MGST3: variants seen among roughly 807,000 people sequenced by gnomAD.
MGST3 encodes the protein microsomal glutathione S-transferase 3.
In MGST3, 13 loss-of-function variants were observed where a neutral mutation model predicts 15.8. That is an observed-to-expected ratio of 0.82 (90% confidence interval 0.54 to 1.31). The LOEUF is 1.31. MGST3 is among the 50% of genes most tolerant of loss of function. The probability of loss-of-function intolerance (pLI) is 0.00; values close to 1 mark genes in which losing one functional copy is unlikely to be tolerated. For missense variants in MGST3, 155 were observed against 192.4 expected (o/e 0.81, Z 1.15); for synonymous variants, 49 against 68.1 (o/e 0.72, Z 1.38).
At chr1:165,631,716 G>A (rs1557988977) in intron 1 of MGST3, among the ~76,000 whole-genome samples, 1 of 152,160 alleles carries the variant, frequency 6.6e-6, no homozygotes, top group African/African-American at 2.4e-5. Context: ...GGGAGTGGTT[G>A]TGCAGGCCTG....
chr1:165,633,745 G>A (rs973660273), intron 1 of MGST3, among the ~76,000 whole-genome samples: 7 of 151,184 alleles, frequency 4.6e-5, no homozygotes, highest in African/African-American at 1.5e-4. Context: ...ACCAAGTGGT[G>A]TCAATGTGAC....
intron 1 of MGST3, among the ~76,000 whole-genome samples, chr1:165,640,393 G>A (rs937014766): frequency 4.6e-5 from 7 of 151,852 alleles, no homozygotes; most frequent in African/African-American, 1.5e-4. Context: ...AGCACCTCAG[G>A]AGCCTCCAAA....
chr1:165,632,181 AGGATGG>A lies in MGST3; in HGVS notation c.-8+890_-8+895del, dbSNP rs1647971435. The A allele has an allele frequency of 2.0e-5, 31 of 1,512,986 alleles. No individual in the cohort carries two copies. The East Asian group carries it at 6.8e-4, about 33-fold the overall frequency. 93.7% of individuals were successfully genotyped at this position (1,512,986 alleles called of 1,614,324 possible). A position where few individuals can be genotyped will look rare whatever the true frequency, so the allele number is the denominator to read the frequency against. ...ACGAGGTAAAGGAAAAGCAGATACTAGGATGGGTAGAAGGAGAGGCAGGGGTTAGAA... is the reference window on the plus strand; with the variant it reads ...ACGAGGTAAAGGAAAAGCAGATACTAGTAGAAGGAGAGGCAGGGGTTAGAA... On this transcript the variant is annotated intron_variant, in intron 1 of 5. Coordinates refer to ENST00000367889, the MANE Select transcript of MGST3 (RefSeq NM_004528.4).
chr1:165,649,431 TCTCA>T (rs1435473440), intron 1 of MGST3: 1 of 179,584 alleles, frequency 5.6e-6, no homozygotes, highest in African/African-American at 2.5e-5. Context: ...GTCCTGCTCC[TCTCA>T]CTCCCTCCCT....
chr1:165,635,103 G>A (rs963029441), intron 1 of MGST3, among the ~76,000 whole-genome samples: 7 of 146,380 alleles, frequency 4.8e-5, no homozygotes, highest in Non-Finnish European at 9.0e-5. Flanking sequence ...CCTCCACCCC[G>A]CCCTCTGAGG....
intron 1 of MGST3, among the ~76,000 whole-genome samples, chr1:165,640,802 T>A (rs536974738): frequency 1.3e-5 from 2 of 152,210 alleles, no homozygotes; most frequent in South Asian, 4.1e-4. Context: ...AGAGGTATAC[T>A]ATATTCAATG....
chr1:165,632,259 G>A (rs377067925), intron 1 of MGST3: 284 of 1,612,514 alleles, frequency 1.8e-4, no homozygotes, highest in Non-Finnish European at 2.3e-4. Context: ...AGGGGAAGGC[G>A]CTTCCGGCTC....
In MGST3 at chr1:165,640,998, C is replaced by T. The variant is rs559191017; in HGVS notation, c.-7-8843C>T. Among the ~76,000 whole-genome samples the T allele has an allele frequency of 1.5e-3, 226 of 152,162 alleles. 1 individual carries two copies. Among genetic ancestry groups the T allele is most frequent in the African/African-American group, 5.1e-3 (210 of 41,494 alleles). On this transcript the variant is annotated intron_variant, in intron 1 of 5. Transcript: ENST00000367889. ...AGGAGTTCGAGACCAGCCTGGCCTA[C>T]GTGGTGAAACCCCGTCTCTACTAAA...
intron 3 of MGST3, 193 bp downstream of exon 3, chr1:165,651,280 G>T (rs1648547386): frequency 4.8e-6 from 3 of 621,474 alleles, no homozygotes; most frequent in Admixed American, 2.5e-5. Context: ...TGGTTGGAAT[G>T]GTGGGATTTC....
intron 1 of MGST3, chr1:165,647,733 T>A (rs2101721543): frequency 6.6e-6 from 1 of 152,302 alleles, no homozygotes; most frequent in South Asian, 2.1e-4. Context: ...CACCTTTTTT[T>A]TTTTTTAAGG....
chr1:165,637,355 T>C (rs1648140222), intron 1 of MGST3, among the ~76,000 whole-genome samples: 1 of 152,202 alleles, frequency 6.6e-6, no homozygotes, highest in Admixed American at 6.5e-5. Context: ...AAGAATCTCA[T>C]TGTCATTTAG....
intron 1 of MGST3, among the ~76,000 whole-genome samples, chr1:165,638,241 G>A (rs1425393454): frequency 6.6e-6 from 1 of 152,212 alleles, no homozygotes; most frequent in East Asian, 1.9e-4. Flanking sequence ...CACTTTGGGA[G>A]GCTGAGAGAG....
chr1:165,644,574 C>A (rs9333441), intron 1 of MGST3, among the ~76,000 whole-genome samples: 14,249 of 152,138 alleles, frequency 0.094, 812 homozygotes, highest in African/African-American at 0.14. Flanking sequence ...GCAGACCTTA[C>A]GTACACTGTA....
intron 5 of MGST3, 105 bp downstream of exon 5, chr1:165,654,456 G>A (rs4147607): frequency 2.0e-5 from 20 of 1,021,098 alleles, no homozygotes; most frequent in Non-Finnish European, 2.2e-5. Context: ...TTTGGGAGGC[G>A]AAGGCAGGCA....
At chr1:165,631,703 CG>C (rs9333374) in intron 1 of MGST3, among the ~76,000 whole-genome samples, 5,536 of 152,228 alleles carry the variant, frequency 0.036, 155 homozygotes, top group Non-Finnish European at 0.051. Flanking sequence ...CGGACACTGC[CG>C]GGGGAGTGGT....
chr1:165,643,804 G>C (rs1295250744), intron 1 of MGST3, among the ~76,000 whole-genome samples: 2 of 152,068 alleles, frequency 1.3e-5, no homozygotes, highest in East Asian at 1.9e-4. Context: ...GGAGGCAGAG[G>C]TTGCAGTTAG....
chr1:165,632,108 C>T, intron 1 of MGST3: 1 of 751,366 alleles, frequency 1.3e-6, no homozygotes, highest in Non-Finnish European at 2.3e-6. Context: ...TTGAGAGTCA[C>T]GAGTTTACAA....
intron 1 of MGST3, among the ~76,000 whole-genome samples, chr1:165,640,837 C>T (rs1357709558): frequency 2.6e-5 from 4 of 152,202 alleles, no homozygotes; most frequent in Non-Finnish European, 5.9e-5. Flanking sequence ...CCTTCCCAGC[C>T]GGGATCCTGA....
At chr1:165,651,460 G>A (rs1648553408) in intron 3 of MGST3, 1 of 360,350 alleles carries the variant, frequency 2.8e-6, no homozygotes, top group African/African-American at 2.1e-5. Context: ...CCATTTGTTA[G>A]ATGTGAGGTC....
Sources: allele counts gnomAD v4.1 joint callset (sites outside exome capture counted in the v4.1 genomes callset), GRCh38; gene constraint gnomAD v4.1.1; transcripts MANE v1.5; gene names NCBI Gene and HGNC (gene_info 2026-07-23, HGNC 2026-07-21).